Variants in SLC22A4 observed in about 807,000 individuals in gnomAD.
SLC22A4 encodes the protein solute carrier family 22 member 4.
SLC22A4 carries 39 observed loss-of-function variants against 56.6 expected under a neutral mutation model. The ratio of observed to expected loss-of-function variants is 0.69; its 90% CI spans 0.53 to 0.90. The LOEUF is 0.90. SLC22A4 is among the 40% of genes least tolerant of loss of function. The pLI is 0.00. For missense variants in SLC22A4, 594 were observed against 696.5 expected (o/e 0.85, Z 1.66); for synonymous variants, 241 against 281.4 (o/e 0.86, Z 1.44).
intron 2 of SLC22A4, among the ~76,000 whole-genome samples, chr5:132,313,306 G>A (rs545964287): frequency 5.0e-4 from 76 of 152,334 alleles, no homozygotes; most frequent in African/African-American, 1.8e-3. Context: ...CCACTTTCCA[G>A]AAATGTGCTG....
intron 1 of SLC22A4, 139 bp downstream of exon 1, chr5:132,295,148 G>T: frequency 9.8e-7 from 1 of 1,016,668 alleles, no homozygotes; most frequent in Non-Finnish European, 1.5e-6. Flanking sequence ...CCAGCAGCGG[G>T]TGTGCACCCC....
intron 5 of SLC22A4, among the ~76,000 whole-genome samples, chr5:132,328,000 T>C (rs1442500615): frequency 1.3e-5 from 2 of 152,150 alleles, no homozygotes; most frequent in African/African-American, 4.8e-5. Flanking sequence ...TGCTGGCTCC[T>C]AGAGGAAATA....
intron 1 of SLC22A4, among the ~76,000 whole-genome samples, chr5:132,308,140 G>GA (rs1298314987): frequency 1.3e-5 from 2 of 152,126 alleles, no homozygotes; most frequent in Non-Finnish European, 2.9e-5. Context: ...GGATGGTGAG[G>GA]AGGGGGTGCC....
chr5:132,312,946 A>G (rs1005093563), intron 2 of SLC22A4, among the ~76,000 whole-genome samples: 3 of 152,228 alleles, frequency 2.0e-5, no homozygotes, highest in African/African-American at 7.2e-5. Flanking sequence ...TGTTCTGCTC[A>G]CACCTGTGCT....
intron 1 of SLC22A4, among the ~76,000 whole-genome samples, chr5:132,308,724 T>C (rs934172152): frequency 6.6e-6 from 1 of 152,180 alleles, no homozygotes; most frequent in Non-Finnish European, 1.5e-5. Context: ...TGGAGCTCAC[T>C]CTGCTCTGTT....
intron 3 of SLC22A4, among the ~76,000 whole-genome samples, chr5:132,319,566 A>G (rs1335314025): frequency 6.6e-6 from 1 of 152,154 alleles, no homozygotes; most frequent in Non-Finnish European, 1.5e-5. Flanking sequence ...TTATGTGTAA[A>G]GTAGGAGGAA....
chr5:132,334,876 C>T lies in SLC22A4; in HGVS notation c.1205C>T (p.Ala402Val). 1 of 1,613,992 alleles carries T rather than the reference C, an allele frequency of 6.2e-7. No homozygotes were observed. Among genetic ancestry groups the T allele is most frequent in the Non-Finnish European group, 8.5e-7 (1 of 1,179,872 alleles). Residue 402 changes from alanine to valine, a missense_variant, in exon 7 of 10, where the codon GCT (alanine) becomes GTT (valine). By Grantham distance (64) the Ala-to-Val change is moderately conservative. Transcript: ENST00000200652. ...LRTLPRRYII[A>V]AVLFWGGGVL... ...ACCCTGCCCAGGCGTTATATCATAGCTGCAGTACTGTTCTGGGGAGGAGGT... is the reference window on the plus strand; with the variant it reads ...ACCCTGCCCAGGCGTTATATCATAGTTGCAGTACTGTTCTGGGGAGGAGGT...
intron 1 of SLC22A4, among the ~76,000 whole-genome samples, chr5:132,297,333 AC>A (rs1554081785): frequency 7.1e-6 from 1 of 140,496 alleles, no homozygotes; most frequent in Non-Finnish European, 1.5e-5. Context: ...AAACAAACAA[AC>A]AACAACAACA....
In SLC22A4 at chr5:132,322,178, G is replaced by T; in HGVS notation, c.653-6G>T. On this transcript the variant is annotated splice_region_variant and splice_polypyrimidine_tract_variant and intron_variant, in intron 3 of 9. Transcript: ENST00000200652. ...TATGCTAATACTCCTCCCTTGTTTT[G>T]AACAGGAACAGAAATTCTTGGCAAG... 1.2e-6 allele frequency: 2 copies of T among 1,611,742 alleles called. No homozygotes were observed. Among genetic ancestry groups the T allele is most frequent in the South Asian group, 1.1e-5 (1 of 90,962 alleles).
At chr5:132,323,107 G>T (rs1288220003) in intron 4 of SLC22A4, among the ~76,000 whole-genome samples, 1 of 152,146 alleles carries the variant, frequency 6.6e-6, no homozygotes, top group Non-Finnish European at 1.5e-5. Flanking sequence ...CCATTGGTGG[G>T]TCTGGTTCTG....
chr5:132,299,597 T>C (rs914044315), intron 1 of SLC22A4, among the ~76,000 whole-genome samples: 2 of 149,710 alleles, frequency 1.3e-5, no homozygotes, highest in Admixed American at 1.3e-4. Context: ...GCCCGGCTAG[T>C]TTTTTGTTTG....
chr5:132,341,085 C>T (rs1213093283), intron 9 of SLC22A4, among the ~76,000 whole-genome samples: 1 of 151,402 alleles, frequency 6.6e-6, no homozygotes, highest in Non-Finnish European at 1.5e-5. Flanking sequence ...CACTGCACTC[C>T]AGCCTGGGCA....
At position 132,307,569 on chromosome 5, in the gene SLC22A4, T is replaced by C. The variant is rs141210958; in HGVS notation, c.394-4592T>C. On this transcript the variant is annotated intron_variant, in intron 1 of 9. Transcript: ENST00000200652. ...CAGGACAAATAAAATGCTCTACTAG[T>C]ATGAGCCTGGTAGAAAGGGAACTAC... Among the ~76,000 whole-genome samples the C allele has an allele frequency of 3.2e-4, 49 of 152,344 alleles. 1 individual carries two copies. In the East Asian group the frequency reaches 8.5e-3, roughly 26 times the overall value.
At chr5:132,297,392 G>A (rs1749804376) in intron 1 of SLC22A4, among the ~76,000 whole-genome samples, 1 of 152,136 alleles carries the variant, frequency 6.6e-6, no homozygotes, top group African/African-American at 2.4e-5. Flanking sequence ...AAGGAAGCAA[G>A]TACCAGGGTA....
At chr5:132,332,730 GCACACA>G (rs3840351) in intron 6 of SLC22A4, among the ~76,000 whole-genome samples, 11,157 of 145,706 alleles carry the variant, frequency 0.077, 528 homozygotes, top group East Asian at 0.27. Flanking sequence ...TATGATGGCA[GCACACA>G]CACACACACA....
chr5:132,311,226 T>C (rs930622340), intron 1 of SLC22A4: 2 of 152,198 alleles, frequency 1.3e-5, no homozygotes, highest in Admixed American at 6.5e-5. Context: ...TCCTCCAGAC[T>C]GGATCATCTC....
intron 3 of SLC22A4, among the ~76,000 whole-genome samples, chr5:132,316,804 T>C (rs1297156060): frequency 2.0e-5 from 3 of 152,242 alleles, no homozygotes; most frequent in Non-Finnish European, 4.4e-5. Context: ...CAGCCACATA[T>C]ATATATATTT....
At chr5:132,328,369 C>A (rs1267706202) in intron 5 of SLC22A4, among the ~76,000 whole-genome samples, 1 of 152,148 alleles carries the variant, frequency 6.6e-6, no homozygotes, top group South Asian at 2.1e-4. Context: ...CTGTAGAGGA[C>A]GGTGGGCATG....
intron 1 of SLC22A4, among the ~76,000 whole-genome samples, chr5:132,296,846 G>A (rs911653692): frequency 1.3e-5 from 2 of 152,198 alleles, no homozygotes; most frequent in Admixed American, 1.3e-4. Flanking sequence ...GTTCACTGTA[G>A]GGCGTGAGGG....
Sources: gnomAD v4.1 joint callset for allele counts (sites outside exome capture counted in the v4.1 genomes callset) on GRCh38, gnomAD v4.1.1 for gene constraint, MANE v1.5 for transcripts, NCBI Gene and HGNC (gene_info 2026-07-23, HGNC 2026-07-21) for gene names.